The following TAB2 variants were observed in gnomAD, a reference collection of about 807,000 sequenced individuals.
TAB2 encodes TGF-beta-activated kinase 1 and MAP3K7-binding protein 2.
A neutral mutation model predicts 65.0 loss-of-function variants in TAB2; 3 were observed. That is an observed-to-expected ratio of 0.05 (90% CI 0.02 to 0.12). TAB2 has a LOEUF of 0.12. Among genes scored for constraint, TAB2 ranks in the 10% least tolerant of loss-of-function variants. TAB2 has a pLI of 1.00. For synonymous variants in TAB2, 298 were observed against 285.1 expected, an observed-to-expected ratio of 1.05 and a Z score of -0.46; for missense variants, 623 against 840.3, an observed-to-expected ratio of 0.74 and a Z score of 3.20.
At chr6:149,316,297 A>G (rs1779250454), upstream of TAB2, among the ~76,000 whole-genome samples, 1 of 152,246 alleles carries the variant, frequency 6.6e-6, no homozygotes, top group South Asian at 2.1e-4. Context: ...TTGGTGCTAT[A>G]GCCCAGACTT....
At chr6:149,267,731 C>A (rs1562394172) in intron 1 of TAB2, among the ~76,000 whole-genome samples, 2 of 152,194 alleles carry the variant, frequency 1.3e-5, no homozygotes, top group South Asian at 4.2e-4. Context: ...ACTACACACC[C>A]AGGCTATATC....
At chr6:149,358,754 T>C (rs1482343869) in intron 1 of TAB2, among the ~76,000 whole-genome samples, 1 of 151,878 alleles carries the variant, frequency 6.6e-6, no homozygotes, top group Non-Finnish European at 1.5e-5. Flanking sequence ...TTCTTTCATA[T>C]CTTTCTACAA....
chr6:149,409,141 C>A (rs1181301794), intron 6 of TAB2, among the ~76,000 whole-genome samples: 1 of 151,702 alleles, frequency 6.6e-6, no homozygotes, highest in Non-Finnish European at 1.5e-5. Flanking sequence ...CATGAATTGA[C>A]AAAAAAAACT....
chr6:149,388,427 G>A (rs1781872522), intron 3 of TAB2, among the ~76,000 whole-genome samples: 1 of 152,188 alleles, frequency 6.6e-6, no homozygotes, highest in Admixed American at 6.5e-5. Context: ...ACTAATGACT[G>A]CCAATAAATG....
intron 6 of TAB2, among the ~76,000 whole-genome samples, chr6:149,408,846 T>G (rs931548093): frequency 5.9e-5 from 9 of 152,174 alleles, no homozygotes; most frequent in African/African-American, 1.7e-4. Context: ...GTGACCTTTA[T>G]TTTATAAGTA....
At chr6:149,252,456 C>T (rs932185525) in intron 1 of TAB2, among the ~76,000 whole-genome samples, 2 of 150,548 alleles carry the variant, frequency 1.3e-5, no homozygotes, top group African/African-American at 4.9e-5. Context: ...TAAGGCTGAG[C>T]ATGGGAGTCC....
At chr6:149,397,523 TC>T (rs781368680) in intron 3 of TAB2, 80 bp from the exon 4 acceptor site, 23 of 1,499,182 alleles carry the variant, frequency 1.5e-5, no homozygotes, top group Non-Finnish European at 2.0e-5. Flanking sequence ...TCTGACAAAT[TC>T]TTGTTTGCTT....
At chr6:149,345,216 C>T (rs1780254805) in intron 1 of TAB2, among the ~76,000 whole-genome samples, 1 of 151,820 alleles carries the variant, frequency 6.6e-6, no homozygotes, top group Non-Finnish European at 1.5e-5. Flanking sequence ...TTGTTTTAAC[C>T]AAGGATTACA....
chr6:149,318,924 C>T (rs1779348018), intron 1 of TAB2: 1 of 152,158 alleles, frequency 6.6e-6, no homozygotes, highest in Non-Finnish European at 1.5e-5. Context: ...TCCAGGAGAG[C>T]GGAGGGAATT....
intron 6 of TAB2, among the ~76,000 whole-genome samples, chr6:149,403,000 C>T (rs1035249386): frequency 3.3e-5 from 5 of 151,748 alleles, no homozygotes; most frequent in South Asian, 2.1e-4. Context: ...TTTGGGAGAC[C>T]GAGGCGGGTG....
At chr6:149,356,575 G>A (rs1780659246) in intron 1 of TAB2, among the ~76,000 whole-genome samples, 1 of 152,154 alleles carries the variant, frequency 6.6e-6, no homozygotes, top group African/African-American at 2.4e-5. Flanking sequence ...CATGGTGGAA[G>A]GGGCAGCTCA....
At chr6:149,277,994 C>G (rs764822154) in intron 1 of TAB2, among the ~76,000 whole-genome samples, 15 of 152,152 alleles carry the variant, frequency 9.9e-5, no homozygotes, top group Non-Finnish European at 1.0e-4. Flanking sequence ...AATAACAGAA[C>G]TTGAAGCTTG....
chr6:149,402,973 A>G (rs1782488448), intron 6 of TAB2, among the ~76,000 whole-genome samples: 1 of 152,004 alleles, frequency 6.6e-6, no homozygotes, highest in East Asian at 1.9e-4. Flanking sequence ...ACTGGCTCAC[A>G]CCTGTAATCC....
intron 1 of TAB2, among the ~76,000 whole-genome samples, chr6:149,354,248 C>T (rs148752016): frequency 1.3e-5 from 2 of 152,178 alleles, no homozygotes; most frequent in African/African-American, 4.8e-5. Flanking sequence ...ATCCTGAAAT[C>T]GAAAGAGAAG....
chr6:149,298,560 C>G (rs748759493), intron 1 of TAB2, among the ~76,000 whole-genome samples: 20 of 152,096 alleles, frequency 1.3e-4, no homozygotes, highest in Non-Finnish European at 2.5e-4. Flanking sequence ...CCCGGGAGGT[C>G]AAGGCTGCGG....
intron 1 of TAB2, among the ~76,000 whole-genome samples, chr6:149,279,578 C>G (rs1438354551): frequency 6.6e-6 from 1 of 152,116 alleles, no homozygotes; most frequent in Non-Finnish European, 1.5e-5. Flanking sequence ...AGGGTGGAGA[C>G]CACGGAAGCT....
intron 1 of TAB2, among the ~76,000 whole-genome samples, chr6:149,343,516 T>TA (rs1484389773): frequency 6.6e-6 from 1 of 152,108 alleles, no homozygotes; most frequent in East Asian, 1.9e-4. Flanking sequence ...AATTGGAAAT[T>TA]AGACATATTA....
intron 3 of TAB2, among the ~76,000 whole-genome samples, chr6:149,391,941 A>G (rs1262704829): frequency 2.6e-5 from 4 of 152,024 alleles, no homozygotes; most frequent in African/African-American, 9.7e-5. Context: ...TTAATTTCCA[A>G]GAGCTAGTTC....
intron 1 of TAB2, chr6:149,244,969 A>G (rs180892595): frequency 6.6e-6 from 1 of 152,198 alleles, no homozygotes; most frequent in Admixed American, 6.5e-5. Context: ...TTCTCTCAAG[A>G]CCTCAAGTTT....
Sources: allele counts gnomAD v4.1 joint callset (sites outside exome capture counted in the v4.1 genomes callset), GRCh38; gene constraint gnomAD v4.1.1; transcripts MANE v1.5; gene names NCBI Gene and HGNC (gene_info 2026-07-23, HGNC 2026-07-21).